ANKRD17: variants seen among roughly 807,000 people sequenced by gnomAD.
ANKRD17 encodes ankyrin repeat domain-containing protein 17.
A neutral mutation model predicts 229.7 loss-of-function variants in ANKRD17; 19 were observed. The observed-to-expected ratio is 0.08, with a 90% CI of 0.06 to 0.12. The LOEUF (loss-of-function observed/expected upper bound fraction) is 0.12, where lower values mean the gene tolerates loss of function less well. Ranked by LOEUF, ANKRD17 falls within the 10% of genes least tolerant of loss-of-function variation. The pLI is 1.00. For missense variants in ANKRD17, 2,176 were observed against 3,176.8 expected, an observed-to-expected ratio of 0.68 and a Z score of 7.57; for synonymous variants, 1,112 against 1,146.1, an observed-to-expected ratio of 0.97 and a Z score of 0.60.
chr4:73,106,697 G>A (rs1266232143), intron 24 of ANKRD17, among the ~76,000 whole-genome samples: 1 of 151,970 alleles, frequency 6.6e-6, no homozygotes, highest in Admixed American at 6.6e-5. Context: ...TGGCCAATAT[G>A]GTGAAACCCC....
chr4:73,098,725 T>C, intron 25 of ANKRD17: 2 of 916,892 alleles, frequency 2.2e-6, no homozygotes, highest in Non-Finnish European at 3.5e-6. Flanking sequence ...AGCAGGTAGT[T>C]ATAAAAAATA....
At chr4:73,120,469 A>C (rs1726570966) in intron 20 of ANKRD17, 132 bp from the exon 21 acceptor site, 4 of 780,698 alleles carry the variant, frequency 5.1e-6, no homozygotes, top group Non-Finnish European at 8.0e-6. Flanking sequence ...TTAATCACTG[A>C]CCCTTATTAG....
At chr4:73,141,101 C>A (rs1016440096) in intron 14 of ANKRD17, among the ~76,000 whole-genome samples, 1 of 152,042 alleles carries the variant, frequency 6.6e-6, no homozygotes, top group African/African-American at 2.4e-5. Context: ...AAAGAGTATA[C>A]GTAGCCAAAA....
intron 33 of ANKRD17, 79 bp from the exon 34 acceptor site, chr4:73,076,369 G>A: frequency 8.9e-7 from 1 of 1,126,514 alleles, no homozygotes; most frequent in Non-Finnish European, 1.2e-6. Context: ...AAAAAACTAA[G>A]GAGGTACTCT....
At chr4:73,077,195 T>A (rs777424355) in intron 32 of ANKRD17, 91 bp from the exon 33 acceptor site, 70 of 1,390,100 alleles carry the variant, frequency 5.0e-5, no homozygotes, top group Non-Finnish European at 6.0e-5. Flanking sequence ...ATTTGAAAGT[T>A]CACCTCATCC....
Position 73,076,252 on chromosome 4 carries a change from C to G in ANKRD17, c.7791G>C (p.Val2597=), listed in dbSNP as rs769911814. 2 of 1,611,468 alleles carry G rather than the reference C, an allele frequency of 1.2e-6. No homozygotes were observed. Among genetic ancestry groups the G allele is most frequent in the Non-Finnish European group, 1.7e-6 (2 of 1,178,846 alleles). ...TGPWAPHMNS[V]HMNQLG is the part of the protein sequence containing the mutation. The stretch of plus-strand genomic sequence containing the variant: ...CTCATCAGCCAAGCTGGTTCATATG[C>G]ACACTGTTCATGTGAGGTGCCCAGG... The change falls in exon 34 of 34, where the codon GTG becomes GTC. Residue 2597 remains valine (V), a synonymous_variant. Transcript: ENST00000358602.
intron 2 of ANKRD17, among the ~76,000 whole-genome samples, chr4:73,164,672 G>A (rs1036446484): frequency 3.9e-5 from 6 of 151,906 alleles, no homozygotes; most frequent in Non-Finnish European, 8.8e-5. Flanking sequence ...TGCGCCTATA[G>A]TCCCAGCTAC....
chr4:73,179,505 T>TAC (rs1184882530), intron 1 of ANKRD17, among the ~76,000 whole-genome samples: 20 of 82,068 alleles, frequency 2.4e-4, no homozygotes, highest in South Asian at 7.2e-4. Flanking sequence ...TATATATATA[T>TAC]ATATATATAT....
intron 16 of ANKRD17, among the ~76,000 whole-genome samples, chr4:73,128,464 G>A (rs755168565): frequency 1.3e-5 from 2 of 152,188 alleles, no homozygotes; most frequent in Non-Finnish European, 2.9e-5. Context: ...AATAGAAAAT[G>A]AAGAGATGTA....
chr4:73,165,606 T>C (rs1286560595), intron 2 of ANKRD17, among the ~76,000 whole-genome samples: 1 of 152,188 alleles, frequency 6.6e-6, no homozygotes, highest in African/African-American at 2.4e-5. Flanking sequence ...ACTGTGAATT[T>C]GACAGATTTT....
chr4:73,218,747 T>A (rs1365918992), intron 1 of ANKRD17, among the ~76,000 whole-genome samples: 1 of 151,082 alleles, frequency 6.6e-6, no homozygotes, highest in Non-Finnish European at 1.5e-5. Context: ...TGGACTAACC[T>A]CATTGAATTT....
At chr4:73,235,043 T>C (rs1488516641) in intron 1 of ANKRD17, among the ~76,000 whole-genome samples, 1 of 152,162 alleles carries the variant, frequency 6.6e-6, no homozygotes, top group East Asian at 1.9e-4. Context: ...CCATGAACTT[T>C]CTATCTTCTT....
intron 24 of ANKRD17, among the ~76,000 whole-genome samples, chr4:73,104,444 A>G: frequency 6.6e-6 from 1 of 152,186 alleles, no homozygotes; most frequent in East Asian, 1.9e-4. Flanking sequence ...GTAAGTAAGT[A>G]TAAGAGGGAG....
chr4:73,100,026 G>A (rs1723773726), intron 25 of ANKRD17, among the ~76,000 whole-genome samples: 1 of 152,078 alleles, frequency 6.6e-6, no homozygotes, highest in Non-Finnish European at 1.5e-5. Context: ...CACCCTGCCT[G>A]CTCCCAACCC....
intron 27 of ANKRD17, among the ~76,000 whole-genome samples, chr4:73,095,338 C>T (rs1008868266): frequency 1.0e-4 from 15 of 150,610 alleles, no homozygotes; most frequent in Non-Finnish European, 2.2e-4. Context: ...CGGTGGCTCA[C>T]GCCTGTAATC....
intron 1 of ANKRD17, among the ~76,000 whole-genome samples, chr4:73,179,486 GTGTATA>G (rs1473669517): frequency 6.8e-4 from 41 of 59,972 alleles, no homozygotes; most frequent in Admixed American, 5.1e-3. Context: ...GTGTGTGTGT[GTGTATA>G]TATATATATA....
intron 1 of ANKRD17, among the ~76,000 whole-genome samples, chr4:73,220,083 G>A (rs529567300): frequency 6.6e-6 from 1 of 152,030 alleles, no homozygotes; most frequent in Admixed American, 6.5e-5. Flanking sequence ...TGTAAATTTG[G>A]GATATAAAAT....
chr4:73,081,641 G>T (rs1721574470), intron 30 of ANKRD17, among the ~76,000 whole-genome samples: 1 of 152,086 alleles, frequency 6.6e-6, no homozygotes, highest in African/African-American at 2.4e-5. Context: ...TAGGTTTTGT[G>T]GGGCCTTAAA....
intron 1 of ANKRD17, among the ~76,000 whole-genome samples, chr4:73,229,704 AC>A (rs996248475): frequency 2.0e-5 from 3 of 151,774 alleles, no homozygotes; most frequent in African/African-American, 4.8e-5. Context: ...CCAATGATCT[AC>A]CCTTTAAAAA....
Sources: gnomAD v4.1 joint callset for allele counts (sites outside exome capture counted in the v4.1 genomes callset) on GRCh38, gnomAD v4.1.1 for gene constraint, MANE v1.5 for transcripts, NCBI Gene and HGNC (gene_info 2026-07-23, HGNC 2026-07-21) for gene names.